The following NFIB variants were observed in gnomAD, a reference collection of about 807,000 sequenced individuals.
NFIB encodes the protein nuclear factor 1 B-type.
In NFIB, 11 loss-of-function variants were observed where a neutral mutation model predicts 61.5. The observed-to-expected ratio is 0.18, with a 90% CI of 0.11 to 0.30. The LOEUF is 0.30. Ranked by LOEUF, NFIB falls within the 10% of genes least tolerant of loss-of-function variation. The pLI, the probability that NFIB is intolerant of heterozygous loss-of-function variation, is 1.00. For missense variants in NFIB, 471 were observed against 608.9 expected, an observed-to-expected ratio of 0.77 and a Z score of 2.38; for synonymous variants, 260 against 216.5, an observed-to-expected ratio of 1.20 and a Z score of -1.76.
the NFIB span, among the ~76,000 whole-genome samples, chr9:14,504,062 T>C: frequency 6.6e-6 from 1 of 152,334 alleles, no homozygotes; most frequent in African/African-American, 2.4e-5. Flanking sequence ...CAACACCATT[T>C]GTTGAATATG....
chr9:14,150,607 T>C (rs1380639291), intron 4 of NFIB, among the ~76,000 whole-genome samples: 1 of 151,998 alleles, frequency 6.6e-6, no homozygotes, highest in Non-Finnish European at 1.5e-5. Context: ...AATATACGAG[T>C]CCTATCACTC....
intron 6 of NFIB, among the ~76,000 whole-genome samples, chr9:14,136,893 T>C (rs1387341815): frequency 6.6e-6 from 1 of 152,172 alleles, no homozygotes; most frequent in Non-Finnish European, 1.5e-5. Flanking sequence ...TCAAAATTGG[T>C]ATAAATTGTA....
chr9:14,290,148 T>C lies in NFIB; in HGVS notation c.562+16841A>G, dbSNP rs191456766. 5.1e-4 allele frequency among the ~76,000 whole-genome samples: 78 copies of C among 152,082 alleles called. 2 individuals are homozygous for C. Among genetic ancestry groups the C allele is most frequent in the Non-Finnish European group, 9.3e-4 (63 of 67,990 alleles). Reference sequence around the variant, plus strand: ...GTCTTTGTACTCTAGGGAAGGTTATTTCCTTAAGTAACTCACAAATATTGA... The same window carrying C: ...GTCTTTGTACTCTAGGGAAGGTTATCTCCTTAAGTAACTCACAAATATTGA... On this transcript the variant is annotated intron_variant, in intron 2 of 10. Transcript: ENST00000380953.
At chr9:14,266,438 A>AT (rs1563958857) in intron 2 of NFIB, among the ~76,000 whole-genome samples, 1 of 151,800 alleles carries the variant, frequency 6.6e-6, no homozygotes, top group East Asian at 1.9e-4. Context: ...GAAAAAAAAA[A>AT]TTTTTAAATA....
At chr9:14,131,880 G>A (rs1408115893) in intron 6 of NFIB, among the ~76,000 whole-genome samples, 1 of 152,108 alleles carries the variant, frequency 6.6e-6, no homozygotes. Flanking sequence ...GTGATCTAGG[G>A]CAAGCTCAAA....
chr9:14,342,891 A>T (rs13295646), intron 1 of NFIB, among the ~76,000 whole-genome samples: 1 of 151,710 alleles, frequency 6.6e-6, no homozygotes, highest in Non-Finnish European at 1.5e-5. Context: ...TGTTTTTCAT[A>T]CTCTTCTCAG....
intron 2 of NFIB, among the ~76,000 whole-genome samples, chr9:14,201,533 C>A (rs185900117): frequency 1.3e-5 from 2 of 152,322 alleles, no homozygotes; most frequent in African/African-American, 4.8e-5. Flanking sequence ...CTGTTACAAC[C>A]TTCCTGAACC....
At chr9:14,131,525 A>G (rs1041337593) in intron 6 of NFIB, among the ~76,000 whole-genome samples, 4 of 152,198 alleles carry the variant, frequency 2.6e-5, no homozygotes, top group Non-Finnish European at 5.9e-5. Context: ...TGTGAAACAC[A>G]GCGTATGTAC....
At chr9:14,135,733 C>T (rs1015765473) in intron 6 of NFIB, among the ~76,000 whole-genome samples, 1 of 152,034 alleles carries the variant, frequency 6.6e-6, no homozygotes, top group Non-Finnish European at 1.5e-5. Flanking sequence ...TGGCAAGCTA[C>T]GTTAAGAGGA....
intron 2 of NFIB, among the ~76,000 whole-genome samples, chr9:14,234,327 G>A (rs911090521): frequency 5.3e-5 from 8 of 151,310 alleles, no homozygotes; most frequent in Non-Finnish European, 2.9e-5. Context: ...AGGATAAGAA[G>A]GAATGAGATT....
At chr9:14,381,125 C>T (rs964135948) in intron 1 of NFIB, among the ~76,000 whole-genome samples, 4 of 148,718 alleles carry the variant, frequency 2.7e-5, no homozygotes, top group Non-Finnish European at 5.9e-5. Flanking sequence ...TATTTGTATA[C>T]CTTCTGTATT....
At chr9:14,147,995 T>C (rs1460251868) in intron 5 of NFIB, among the ~76,000 whole-genome samples, 1 of 152,088 alleles carries the variant, frequency 6.6e-6, no homozygotes, top group Non-Finnish European at 1.5e-5. Context: ...ATAAGAAAGG[T>C]GACTATCCAG....
chr9:14,509,957 C>T, the NFIB span, among the ~76,000 whole-genome samples: 298 of 152,278 alleles, frequency 2.0e-3, 2 homozygotes, highest in African/African-American at 6.4e-3. Flanking sequence ...AGTGCAATGG[C>T]GCAATCTTGG....
chr9:14,485,196 A>T, the NFIB span, among the ~76,000 whole-genome samples: 12,851 of 152,290 alleles, frequency 0.084, 670 homozygotes, highest in South Asian at 0.18. Context: ...GACAAAATTC[A>T]GTCCATAACA....
intron 1 of NFIB, among the ~76,000 whole-genome samples, chr9:14,335,127 C>A (rs1256704339): frequency 6.6e-6 from 1 of 152,174 alleles, no homozygotes; most frequent in Non-Finnish European, 1.5e-5. Context: ...ACAAATAAAG[C>A]TGCTATGAAC....
At chr9:14,163,012 T>A (rs1341612507) in intron 3 of NFIB, among the ~76,000 whole-genome samples, 1 of 152,060 alleles carries the variant, frequency 6.6e-6, no homozygotes, top group Non-Finnish European at 1.5e-5. Context: ...CACCATTTAC[T>A]ATGTAAACCT....
At chr9:14,125,501 G>A in intron 7 of NFIB, 131 bp downstream of exon 7, 1 of 1,252,268 alleles carries the variant, frequency 8.0e-7, no homozygotes. Flanking sequence ...TGATCGGATT[G>A]TGCCCCTCAC....
At chr9:14,484,690 G>T in the NFIB span, among the ~76,000 whole-genome samples, 1 of 152,122 alleles carries the variant, frequency 6.6e-6, no homozygotes, top group Non-Finnish European at 1.5e-5. Flanking sequence ...ACTCCTGAAA[G>T]TTCATTAATG....
At chr9:14,135,261 T>C (rs1014971381) in intron 6 of NFIB, among the ~76,000 whole-genome samples, 2 of 152,222 alleles carry the variant, frequency 1.3e-5, no homozygotes, top group Admixed American at 1.3e-4. Context: ...CACAGAATAC[T>C]ATAAATAATT....
Sources: allele counts gnomAD v4.1 joint callset (sites outside exome capture counted in the v4.1 genomes callset), GRCh38; gene constraint gnomAD v4.1.1; transcripts MANE v1.5; gene names NCBI Gene and HGNC (gene_info 2026-07-23, HGNC 2026-07-21).